RALGAPB: variants seen among roughly 807,000 people sequenced by gnomAD.
RALGAPB encodes ral GTPase-activating protein subunit beta.
A neutral mutation model predicts 161.1 loss-of-function variants in RALGAPB; 25 were observed. The ratio of observed to expected loss-of-function variants is 0.16; its 90% CI spans 0.11 to 0.22. The LOEUF (loss-of-function observed/expected upper bound fraction) is 0.22. Among genes scored for constraint, RALGAPB ranks in the 10% least tolerant of loss-of-function variants. The probability of loss-of-function intolerance (pLI) is 1.00; values close to 1 mark genes in which losing one functional copy is unlikely to be tolerated. For missense variants in RALGAPB, 1,391 were observed against 1,815.2 expected (o/e 0.77, Z 4.25); for synonymous variants, 629 against 626.1 (o/e 1.00, Z -0.07).
At chr20:38,566,977 C>G in intron 25 of RALGAPB, 119 bp from the exon 26 acceptor site, 3 of 1,439,422 alleles carry the variant, frequency 2.1e-6, no homozygotes, top group Non-Finnish European at 1.8e-6. Context: ...AGCCCTTGCT[C>G]TCGAAGCAAT....
chr20:38,576,874 T>A lies in RALGAPB; in HGVS notation c.*1907T>A, dbSNP rs1480262648. The A allele has an allele frequency of 2.0e-5, 3 of 152,662 alleles. No homozygotes were observed. Among genetic ancestry groups the A allele is most frequent in the Non-Finnish European group, 4.4e-5 (3 of 68,040 alleles). The allele number at this position is 152,662 out of a possible 1,614,324, so 9.5% of individuals were successfully genotyped here. A position where few individuals can be genotyped will look rare whatever the true frequency, so the allele number is the denominator to read the frequency against. ...TAAAAATAACTGATGCAGATGTACTTCTTCAGTGTGATTCTTCAGATCAAA... is the reference window on the plus strand; with the variant it reads ...TAAAAATAACTGATGCAGATGTACTACTTCAGTGTGATTCTTCAGATCAAA... On this transcript the variant is annotated 3_prime_UTR_variant, in exon 30 of 30. Transcript: ENST00000262879.
chr20:38,544,341 C>T (rs1212691121), intron 18 of RALGAPB, among the ~76,000 whole-genome samples: 1 of 151,828 alleles, frequency 6.6e-6, no homozygotes, highest in African/African-American at 2.4e-5. Flanking sequence ...TCTGCTGTTA[C>T]CTTCAGTTTT....
chr20:38,509,390 G>T (rs187245264), intron 6 of RALGAPB, among the ~76,000 whole-genome samples, 182 bp downstream of exon 6: 1 of 152,314 alleles, frequency 6.6e-6, no homozygotes, highest in Admixed American at 6.5e-5. Context: ...GTCCCAGCAG[G>T]GTTAGGCTGT....
At chr20:38,505,532 C>A (rs2085736030) in intron 5 of RALGAPB, among the ~76,000 whole-genome samples, 1 of 152,032 alleles carries the variant, frequency 6.6e-6, no homozygotes, top group Non-Finnish European at 1.5e-5. Context: ...ACATGTACCT[C>A]CTGAATCTAA....
At chr20:38,523,416 A>G (rs1175986344) in intron 10 of RALGAPB, among the ~76,000 whole-genome samples, 4 of 152,336 alleles carry the variant, frequency 2.6e-5, no homozygotes, top group Non-Finnish European at 1.5e-5. Flanking sequence ...GGAGAAGGCT[A>G]TCACCATGAA....
At chr20:38,516,433 C>T (rs969259350) in intron 7 of RALGAPB, 63 bp downstream of exon 7, 4 of 1,369,302 alleles carry the variant, frequency 2.9e-6, no homozygotes, top group Admixed American at 2.6e-5. Flanking sequence ...TAGAGGCTAA[C>T]CCTAGGAGTT....
At chr20:38,499,991 A>G (rs979956605) in intron 5 of RALGAPB, 2 of 154,314 alleles carry the variant, frequency 1.3e-5, no homozygotes, top group Admixed American at 6.5e-5. Flanking sequence ...AAATCCTACC[A>G]TGTATATTTA....
chr20:38,570,011 C>T lies in RALGAPB; in HGVS notation c.4063+15C>T. ...TGATGATATAGGTACTGTATGAGGA[C>T]TTTGTCCATAAATAAAATGGCAATA... On this transcript the variant is annotated intron_variant, in intron 27 of 29. Coordinates refer to ENST00000262879, the MANE Select transcript of RALGAPB (RefSeq NM_020336.4). 5.0e-6 allele frequency: 8 copies of T among 1,585,506 alleles called. No individual in the cohort carries two copies. Among genetic ancestry groups the T allele is most frequent in the Non-Finnish European group, 6.9e-6 (8 of 1,154,526 alleles).
At chr20:38,489,685 G>A (rs948998296) in intron 2 of RALGAPB, among the ~76,000 whole-genome samples, 5 of 152,058 alleles carry the variant, frequency 3.3e-5, no homozygotes, top group Admixed American at 6.6e-5. Flanking sequence ...TTGCTTTTTG[G>A]TTTCCTGTGA....
Position 38,516,239 on chromosome 20 carries a change from A to G in RALGAPB, c.920A>G (p.Lys307Arg), listed in dbSNP as rs948776025. The change falls in exon 7 of 30, where the codon AAA becomes AGA. Residue 307 changes from lysine to arginine, a missense_variant. By Grantham distance (26) the Lys-to-Arg change is conservative. Transcript: ENST00000262879. ...CCAGCTATTATAAGCTCTACTCCCA[A>G]ATTTCAGGAACAGTTCTTGAATGTG... ...SNPAIISSTP[K>R]FQEQFLNVSG... 1.9e-6 allele frequency: 3 copies of G among 1,612,684 alleles called. No individual in the cohort carries two copies. The highest frequency in any genetic ancestry group is 2.5e-6 in the Non-Finnish European group (3 of 1,179,188).
intron 26 of RALGAPB, among the ~76,000 whole-genome samples, chr20:38,568,006 AG>A (rs2088073391): frequency 6.6e-6 from 1 of 152,364 alleles, no homozygotes; most frequent in East Asian, 1.9e-4. Context: ...AAGGTTTTAC[AG>A]AATACAGTTT....
At chr20:38,501,967 G>A (rs1426466451) in intron 5 of RALGAPB, among the ~76,000 whole-genome samples, 2 of 152,030 alleles carry the variant, frequency 1.3e-5, no homozygotes, top group African/African-American at 2.4e-5. Context: ...ACACACAAAT[G>A]TATTATACTA....
rs760979395 is a variant in RALGAPB at position 38,517,819 on chromosome 20, G to C, written c.1236G>C (p.Gln412His). Residue 412 changes from glutamine (Q) to histidine (H), a missense_variant, in exon 9 of 30, where the codon CAG (glutamine) becomes CAC (histidine). Around this residue, in one of 3 missense-constraint regions of RALGAPB, gnomAD observed 946 missense variants for 1,257.2 expected, o/e 0.75. Coordinates refer to ENST00000262879, the MANE Select transcript of RALGAPB (RefSeq NM_020336.4). ...STAHASKVQH[Q>H]TSSTSPLSSP... The stretch of plus-strand genomic sequence containing the variant: ...CTCATGCCTCTAAAGTTCAGCACCA[G>C]ACGTCCTCCACCTCTCCTCTGTCAA... The C allele has an allele frequency of 1.2e-6, 2 of 1,613,850 alleles. No homozygotes were observed. Among genetic ancestry groups the C allele is most frequent in the Non-Finnish European group, 1.7e-6 (2 of 1,179,862 alleles).
At chr20:38,520,161 A>G in intron 9 of RALGAPB, 1 of 412,706 alleles carries the variant, frequency 2.4e-6, no homozygotes, top group Non-Finnish European at 3.3e-6. Context: ...AATTTATTGT[A>G]AAATTTCACC....
At chr20:38,486,154 G>A (rs2085108353) in intron 1 of RALGAPB, among the ~76,000 whole-genome samples, 1 of 151,732 alleles carries the variant, frequency 6.6e-6, no homozygotes, top group Non-Finnish European at 1.5e-5. Flanking sequence ...ATTTTTAGTA[G>A]AGACAGGGTT....
At chr20:38,511,846 A>G (rs2085966911) in intron 6 of RALGAPB, among the ~76,000 whole-genome samples, 1 of 152,082 alleles carries the variant, frequency 6.6e-6, no homozygotes, top group Non-Finnish European at 1.5e-5. Context: ...GCTGTTGGGT[A>G]CACCTCCTAG....
chr20:38,553,826 T>C (rs1472459237), intron 21 of RALGAPB, 41 bp from the exon 22 acceptor site: 6 of 1,380,182 alleles, frequency 4.3e-6, no homozygotes, highest in Non-Finnish European at 5.1e-6. Flanking sequence ...CTTACTAGTT[T>C]GATAATAGTT....
At position 38,517,930 on chromosome 20, in the gene RALGAPB, A is replaced by G. The variant is rs1289327894; in HGVS notation, c.1347A>G (p.Ser449=). The G allele has an allele frequency of 6.8e-6, 11 of 1,614,124 alleles. No homozygotes were observed. Among genetic ancestry groups the G allele is most frequent in the East Asian group, 2.2e-5 (1 of 44,882 alleles). The change falls in exon 9 of 30, where the codon TCA becomes TCG. Residue 449 remains serine, a synonymous_variant. Coordinates refer to ENST00000262879, the MANE Select transcript of RALGAPB (RefSeq NM_020336.4). ...KVNSILNLFG[S]WLFDAAFVHC... ...ACAGCATCTTGAATCTCTTTGGATCATGGTTATTTGATGCAGCATTTGTTC... is the reference window on the plus strand; with the variant it reads ...ACAGCATCTTGAATCTCTTTGGATCGTGGTTATTTGATGCAGCATTTGTTC...
intron 25 of RALGAPB, 117 bp from the exon 26 acceptor site, chr20:38,566,979 C>T: frequency 3.5e-6 from 5 of 1,441,150 alleles, no homozygotes; most frequent in Non-Finnish European, 4.6e-6. Flanking sequence ...CCCTTGCTCT[C>T]GAAGCAATGC....
Sources: allele counts gnomAD v4.1 joint callset (sites outside exome capture counted in the v4.1 genomes callset), GRCh38; gene constraint gnomAD v4.1.1; regional missense constraint gnomAD v4.1.1; transcripts MANE v1.5; gene names NCBI Gene and HGNC (gene_info 2026-07-23, HGNC 2026-07-21).